PCDHA4: variants seen among roughly 807,000 people sequenced by gnomAD.
PCDHA4 encodes the protein protocadherin alpha-4.
In PCDHA4, 49 loss-of-function variants were observed where a neutral mutation model predicts 61.4. That is an observed-to-expected ratio of 0.80 (90% confidence interval 0.63 to 1.01). The LOEUF is 1.01. PCDHA4 is among the 50% of genes least tolerant of loss of function. The probability of loss-of-function intolerance (pLI) is 0.00; values close to 1 mark genes in which losing one functional copy is unlikely to be tolerated. For synonymous variants in PCDHA4, 590 were observed against 550.3 expected, an observed-to-expected ratio of 1.07 and a Z score of -1.01; for missense variants, 1,254 against 1,235.8, an observed-to-expected ratio of 1.01 and a Z score of -0.22.
chr5:140,912,163 G>T (rs1018826504), intron 1 of PCDHA4, among the ~76,000 whole-genome samples: 4 of 152,092 alleles, frequency 2.6e-5, no homozygotes, highest in African/African-American at 9.7e-5. Context: ...TTTTATTCTG[G>T]CTGTGCTGGC....
At chr5:141,000,398 T>TAA in intron 3 of PCDHA4, among the ~76,000 whole-genome samples, 1 of 55,032 alleles carries the variant, frequency 1.8e-5, no homozygotes, top group African/African-American at 7.5e-5. Flanking sequence ...TCTCTCTCTA[T>TAA]ATATATATAT....
At chr5:141,000,415 A>T (rs1462372394) in intron 3 of PCDHA4, among the ~76,000 whole-genome samples, 8 of 87,370 alleles carry the variant, frequency 9.2e-5, no homozygotes, top group African/African-American at 2.5e-4. Flanking sequence ...ATATATATAT[A>T]TATATATTTT....
chr5:140,844,185 T>G (rs1554140558), intron 1 of PCDHA4, among the ~76,000 whole-genome samples: 2 of 149,886 alleles, frequency 1.3e-5, no homozygotes, highest in Non-Finnish European at 3.0e-5. Flanking sequence ...TTTATTCATC[T>G]TATCTGACTT....
chr5:140,951,507 C>T (rs2094591964), intron 1 of PCDHA4, among the ~76,000 whole-genome samples: 1 of 151,952 alleles, frequency 6.6e-6, no homozygotes, highest in Admixed American at 6.6e-5. Context: ...AAAAGGAAAG[C>T]GGCTCATCTT....
chr5:140,958,900 C>T (rs246008), intron 1 of PCDHA4, among the ~76,000 whole-genome samples: 85,461 of 151,702 alleles, frequency 0.56, 24,676 homozygotes, highest in African/African-American at 0.69. Flanking sequence ...ATAATAGATA[C>T]AGAAAAGTCT....
chr5:140,987,363 T>C (rs1269772618), intron 3 of PCDHA4, among the ~76,000 whole-genome samples: 1 of 152,218 alleles, frequency 6.6e-6, no homozygotes, highest in Non-Finnish European at 1.5e-5. Flanking sequence ...GGTTGTCTTA[T>C]ATCATTACAG....
intron 1 of PCDHA4, among the ~76,000 whole-genome samples, chr5:140,907,985 A>T (rs1377305456): frequency 2.6e-5 from 4 of 152,178 alleles, no homozygotes; most frequent in East Asian, 1.9e-4. Flanking sequence ...GCTTCTTCCA[A>T]GTCCTTAACC....
At chr5:140,892,666 A>G (rs2063614919) in intron 1 of PCDHA4, among the ~76,000 whole-genome samples, 1 of 152,170 alleles carries the variant, frequency 6.6e-6, no homozygotes, top group Admixed American at 6.6e-5. Flanking sequence ...TGACATTTTG[A>G]TACATATATA....
intron 1 of PCDHA4, chr5:140,866,098 T>C (rs555628749): frequency 6.6e-6 from 1 of 152,318 alleles, no homozygotes; most frequent in African/African-American, 2.4e-5. Context: ...AATTGTTAAG[T>C]AATTAAGAGT....
chr5:140,850,076 G>A lies in PCDHA4; in HGVS notation c.2385+40504G>A. Reference sequence around the variant, plus strand: ...CGCTGCAGCCGTTGGACCACGAGGAGCTGGAGCTGCTACAGTTCCAGGTGA... The same window carrying A: ...CGCTGCAGCCGTTGGACCACGAGGAACTGGAGCTGCTACAGTTCCAGGTGA... On this transcript the variant is annotated intron_variant, in intron 1 of 3. Transcript: ENST00000530339. 6 of 1,596,552 alleles carry A rather than the reference G, an allele frequency of 3.8e-6. 1 individual carries two copies. Among genetic ancestry groups the A allele is most frequent in the Non-Finnish European group, 5.1e-6 (6 of 1,167,850 alleles).
At chr5:140,845,964 G>A (rs1780137378) in intron 1 of PCDHA4, among the ~76,000 whole-genome samples, 1 of 149,394 alleles carries the variant, frequency 6.7e-6, no homozygotes, top group Non-Finnish European at 1.5e-5. Context: ...GATTAACCTA[G>A]GATGTTTCAA....
intron 1 of PCDHA4, among the ~76,000 whole-genome samples, chr5:140,964,075 AT>A (rs1277799626): frequency 9.2e-5 from 14 of 152,324 alleles, no homozygotes; most frequent in African/African-American, 3.1e-4. Flanking sequence ...TAGTGTTAAT[AT>A]TTGTAGAAAG....
Position 140,832,155 on chromosome 5 carries a change from G to A in PCDHA4, c.2385+22583G>A, listed in dbSNP as rs139131870. Reference sequence around the variant, plus strand: ...AAGTTGAAAATTGAATTAAGACTTGGACAGTGGAAAAGTTTTATGAATTCA... The same window carrying A: ...AAGTTGAAAATTGAATTAAGACTTGAACAGTGGAAAAGTTTTATGAATTCA... On this transcript the variant is annotated intron_variant, in intron 1 of 3. Transcript: ENST00000530339. Among the ~76,000 whole-genome samples the A allele has an allele frequency of 1.4e-3, 211 of 152,314 alleles. 2 individuals are homozygous for A. The highest frequency in any genetic ancestry group is 4.6e-3 in the African/African-American group (192 of 41,574).
Position 140,830,146 on chromosome 5 carries a change from C to A in PCDHA4, c.2385+20574C>A, listed in dbSNP as rs2150181875. 36 of 1,613,246 alleles carry A rather than the reference C, an allele frequency of 2.2e-5. No individual in the cohort carries two copies. The South Asian group carries it at 3.1e-4, about 14-fold the overall frequency. On this transcript the variant is annotated intron_variant, in intron 1 of 3. Coordinates refer to ENST00000530339, the MANE Select transcript of PCDHA4 (RefSeq NM_018907.4). ...AGGCGTCATCACGGGCGTCGGTGGG[C>A]GCCGCGGGCCCAGAGGCGGCGCTGG...
At chr5:140,929,331 C>G in intron 1 of PCDHA4, 1 of 1,534,960 alleles carries the variant, frequency 6.5e-7, no homozygotes, top group Non-Finnish European at 8.8e-7. Context: ...CCATGGTAAG[C>G]AAATTTTATG....
chr5:140,863,171 C>T (rs782749533), intron 1 of PCDHA4: 11 of 696,670 alleles, frequency 1.6e-5, no homozygotes, highest in Non-Finnish European at 2.8e-5. Flanking sequence ...CTGGCGCTGA[C>T]TGCCACCGTC....
At chr5:141,007,527 C>T (rs1184006315) in intron 3 of PCDHA4, among the ~76,000 whole-genome samples, 1 of 152,070 alleles carries the variant, frequency 6.6e-6, no homozygotes, top group Non-Finnish European at 1.5e-5. Flanking sequence ...GATATCTCGC[C>T]ACTGCACTCC....
chr5:140,972,244 A>G (rs2096526797), intron 1 of PCDHA4, among the ~76,000 whole-genome samples: 1 of 151,646 alleles, frequency 6.6e-6, no homozygotes, highest in African/African-American at 2.4e-5. Context: ...GGCTCAAGCA[A>G]TCCTCACACA....
Position 140,870,665 on chromosome 5 carries a change from C to T in PCDHA4, c.2385+61093C>T, listed in dbSNP as rs782328974. ...AGCGGCAAGGTGTACGCGCTGCAGC[C>T]GTTGGACCACGAGGAGCTGGAGCTG... On this transcript the variant is annotated intron_variant, in intron 1 of 3. Coordinates refer to ENST00000530339, the MANE Select transcript of PCDHA4 (RefSeq NM_018907.4). 1.2e-5 allele frequency: 20 copies of T among 1,612,506 alleles called. No individual in the cohort carries two copies. The South Asian group carries it at 1.4e-4, about 12-fold the overall frequency.
Sources: gnomAD v4.1 joint callset for allele counts (sites outside exome capture counted in the v4.1 genomes callset) on GRCh38, gnomAD v4.1.1 for gene constraint, MANE v1.5 for transcripts, NCBI Gene and HGNC (gene_info 2026-07-23, HGNC 2026-07-21) for gene names.